EPG5: variants seen among roughly 807,000 people sequenced by gnomAD.
EPG5 encodes ectopic P-granules 5 autophagy tethering factor, also known as ectopic P granules protein 5 homolog.
A neutral mutation model predicts 302.7 loss-of-function variants in EPG5; 159 were observed. That is an observed-to-expected ratio of 0.53 (90% CI 0.46 to 0.60). The LOEUF (loss-of-function observed/expected upper bound fraction) is 0.60. EPG5 is among the 20% of genes least tolerant of loss of function. The probability of loss-of-function intolerance (pLI) is 0.00; values close to 1 mark genes in which losing one functional copy is unlikely to be tolerated. For synonymous variants in EPG5, 1,158 were observed against 1,136.8 expected (o/e 1.02, Z -0.37); for missense variants, 2,896 against 3,092.4 (o/e 0.94, Z 1.51).
chr18:45,810,967 C>T, the EPG5 span, among the ~76,000 whole-genome samples: 1 of 152,138 alleles, frequency 6.6e-6, no homozygotes, highest in African/African-American at 2.4e-5. Flanking sequence ...TCCAGTATCC[C>T]TTTATAATTA....
intron 1 of EPG5, among the ~76,000 whole-genome samples, chr18:45,959,704 G>A (rs1446488709): frequency 6.7e-6 from 1 of 148,328 alleles, no homozygotes; most frequent in Non-Finnish European, 1.5e-5. Context: ...ATAGGCCTGG[G>A]TGCAGTGGCT....
At chr18:45,840,585 G>C in the EPG5 span, among the ~76,000 whole-genome samples, 1 of 152,336 alleles carries the variant, frequency 6.6e-6, no homozygotes, top group African/African-American at 2.4e-5. Context: ...TGAAGGCTTT[G>C]CAAACAAAAT....
At chr18:45,838,911 C>T in the EPG5 span, 1 of 1,602,382 alleles carries the variant, frequency 6.2e-7, no homozygotes, top group Non-Finnish European at 8.5e-7. Flanking sequence ...CCGCACTGAC[C>T]CATGACGGCC....
chr18:45,930,082 G>C (rs558613254), intron 12 of EPG5, among the ~76,000 whole-genome samples: 1 of 152,304 alleles, frequency 6.6e-6, no homozygotes, highest in African/African-American at 2.4e-5. Context: ...CTTTGGGCTA[G>C]TCCCTAGATG....
the EPG5 span, chr18:45,829,018 C>A: frequency 4.1e-5 from 36 of 875,106 alleles, no homozygotes; most frequent in Non-Finnish European, 4.8e-5. Flanking sequence ...CTATCTGGGG[C>A]GGGAAGGGGA....
In EPG5 at chr18:45,860,195, C is replaced by T; in HGVS notation, c.6918G>A (p.Leu2306=). 2 of 1,614,262 alleles carry T rather than the reference C, an allele frequency of 1.2e-6. No homozygotes were observed. Among genetic ancestry groups the T allele is most frequent in the Non-Finnish European group, 1.7e-6 (2 of 1,180,050 alleles). ...TCTGGCAGGCTGCTGTTAAAAGGGG[C>T]AGCACCACCAGCCCATGCATTTTTT... ...IGQKMHGLVV[L]PLLTAACQSL... Residue 2306 remains leucine, a synonymous_variant, in exon 40 of 44, where the codon CTG becomes CTA. Transcript: ENST00000282041.
At chr18:45,856,833 A>T (rs573528898) in intron 42 of EPG5, among the ~76,000 whole-genome samples, 98 of 152,328 alleles carry the variant, frequency 6.4e-4, no homozygotes, top group Non-Finnish European at 4.6e-4. Context: ...GCTAATGGCA[A>T]ATTCTTCCAT....
chr18:45,966,060 C>CAAAACA (rs940567128), intron 1 of EPG5, among the ~76,000 whole-genome samples: 3 of 147,870 alleles, frequency 2.0e-5, no homozygotes, highest in Non-Finnish European at 3.0e-5. Context: ...GACTCCATAT[C>CAAAACA]AAAACAAAAA....
At chr18:45,919,646 G>A (rs2050110433) in intron 16 of EPG5, among the ~76,000 whole-genome samples, 1 of 151,850 alleles carries the variant, frequency 6.6e-6, no homozygotes, top group African/African-American at 2.4e-5. Flanking sequence ...CCGAGTAGCT[G>A]GGACTACAGG....
chr18:45,940,273 A>G (rs1309318684), intron 9 of EPG5, among the ~76,000 whole-genome samples: 1 of 152,210 alleles, frequency 6.6e-6, no homozygotes, highest in Admixed American at 6.5e-5. Context: ...CTGGCTGGAG[A>G]TGAAATCAGA....
the EPG5 span, among the ~76,000 whole-genome samples, chr18:45,827,407 A>G: frequency 5.9e-5 from 9 of 152,144 alleles, no homozygotes; most frequent in African/African-American, 2.2e-4. Context: ...GGAAGGAGCT[A>G]TCTTTTCCCA....
chr18:45,868,118 A>T (rs2048786519), intron 36 of EPG5: 2 of 459,812 alleles, frequency 4.3e-6, no homozygotes, highest in Non-Finnish European at 8.7e-6. Flanking sequence ...GAAATTTACT[A>T]GTCAGTAGTT....
the EPG5 span, chr18:45,836,930 T>C: frequency 1.4e-6 from 1 of 733,616 alleles, no homozygotes; most frequent in African/African-American, 1.7e-5. Context: ...TCCTGAACGC[T>C]GGCTTGGCCT....
chr18:45,801,855 G>A, the EPG5 span, among the ~76,000 whole-genome samples: 11 of 152,172 alleles, frequency 7.2e-5, no homozygotes, highest in African/African-American at 2.7e-4. Flanking sequence ...CAGCCACCAG[G>A]GGACAGCTTT....
At chr18:45,831,006 G>A in the EPG5 span, among the ~76,000 whole-genome samples, 13 of 152,248 alleles carry the variant, frequency 8.5e-5, no homozygotes, top group East Asian at 2.3e-3. Flanking sequence ...TAAACATCTA[G>A]AGTTATCAAC....
the EPG5 span, among the ~76,000 whole-genome samples, chr18:45,832,862 CCACCCT>C: frequency 6.6e-6 from 1 of 152,162 alleles, no homozygotes; most frequent in Non-Finnish European, 1.5e-5. Flanking sequence ...TGAGTCTTTC[CCACCCT>C]CACCCTGAGT....
intron 1 of EPG5, among the ~76,000 whole-genome samples, chr18:45,962,175 G>A (rs2051163891): frequency 6.6e-6 from 1 of 152,134 alleles, no homozygotes; most frequent in Non-Finnish European, 1.5e-5. Flanking sequence ...CACGAAAGAA[G>A]CTAAATAATA....
intron 37 of EPG5, among the ~76,000 whole-genome samples, chr18:45,867,328 T>C (rs1447290030): frequency 2.0e-5 from 3 of 152,156 alleles, no homozygotes; most frequent in East Asian, 3.8e-4. Context: ...ATTAATGAGA[T>C]ACAAAATAAA....
the EPG5 span, chr18:45,837,937 C>T: frequency 6.9e-7 from 1 of 1,445,052 alleles, no homozygotes; most frequent in South Asian, 1.4e-5. Context: ...TCCCTTCCCG[C>T]CCTCCCGCCT....
Sources: gnomAD v4.1 joint callset for allele counts (sites outside exome capture counted in the v4.1 genomes callset) on GRCh38, gnomAD v4.1.1 for gene constraint, MANE v1.5 for transcripts, NCBI Gene and HGNC (gene_info 2026-07-23, HGNC 2026-07-21) for gene names.